REPS2: variants seen among roughly 807,000 people sequenced by gnomAD.
REPS2 encodes ralBP1-associated Eps domain-containing protein 2.
REPS2 carries 23 observed loss-of-function variants against 53.6 expected under a neutral mutation model. The ratio of observed to expected loss-of-function variants is 0.43; its 90% CI spans 0.31 to 0.61. REPS2 has a LOEUF of 0.61. REPS2 is among the 20% of genes least tolerant of loss of function. REPS2 has a pLI of 0.11. For synonymous variants in REPS2, 238 were observed against 218.6 expected, an observed-to-expected ratio of 1.09 and a Z score of -0.78; for missense variants, 446 against 534.9, an observed-to-expected ratio of 0.83 and a Z score of 1.64.
chrX:17,014,891 G>A (rs886569838), intron 2 of REPS2, among the ~76,000 whole-genome samples: 9 of 113,034 alleles, frequency 8.0e-5, no homozygotes, highest in African/African-American at 2.9e-4. Context: ...CATGCTAAAT[G>A]TTCAAATCTG....
rs1484340315 is a variant in REPS2 at position 17,116,440 on chromosome X, G to A, written c.1578+12661G>A. 8.1e-5 allele frequency among the ~76,000 whole-genome samples: 9 copies of A among 110,551 alleles called. No homozygotes were observed. The Admixed American group carries it at 8.7e-4, about 11-fold the overall frequency. On this transcript the variant is annotated intron_variant, in intron 14 of 17. Transcript: ENST00000357277. ...TACCCAAGCTGGTCTTGAACTCCTG[G>A]GCCCAAGCAGTCCTCCCATCTCAAC... is the stretch of plus-strand genomic sequence containing the variant.
chrX:17,155,578 A>G (rs751235892), downstream of REPS2, among the ~76,000 whole-genome samples: 49 of 111,986 alleles, frequency 4.4e-4, no homozygotes, highest in Non-Finnish European at 8.1e-4. Context: ...CCCTGAGATT[A>G]CAGCTCTTTT....
intron 13 of REPS2, among the ~76,000 whole-genome samples, chrX:17,088,092 C>T (rs1053294205): frequency 1.1e-4 from 12 of 111,069 alleles, no homozygotes; most frequent in Admixed American, 8.6e-4. Context: ...TCTCTCTCCC[C>T]CACCGCATTA....
At chrX:16,947,505 T>C (rs1236272782) in intron 1 of REPS2, among the ~76,000 whole-genome samples, 2 of 111,934 alleles carry the variant, frequency 1.8e-5, no homozygotes, top group Admixed American at 1.9e-4. Flanking sequence ...TCGCTGCTCC[T>C]GCCCCTCCCT....
intron 8 of REPS2, among the ~76,000 whole-genome samples, chrX:17,056,620 G>A (rs999373545): frequency 4.5e-5 from 5 of 110,427 alleles, no homozygotes; most frequent in Admixed American, 2.9e-4. Flanking sequence ...GCATGAACCC[G>A]GGAGGCGGAG....
the REPS2 span, among the ~76,000 whole-genome samples, chrX:17,163,804 CA>C: frequency 8.9e-6 from 1 of 111,794 alleles, no homozygotes; most frequent in African/African-American, 3.2e-5. Flanking sequence ...ACCTCTTCTA[CA>C]AGACATATTA....
chrX:17,161,731 A>G, the REPS2 span, among the ~76,000 whole-genome samples: 1 of 111,414 alleles, frequency 9.0e-6, no homozygotes, highest in Non-Finnish European at 1.9e-5. Flanking sequence ...CACTAAGTTT[A>G]TGGCAATTTG....
rs2062013757 is a variant in REPS2, at chrX:17,052,303, T to G, written c.908-79T>G. Reference sequence around the variant, plus strand: ...AGAAGAGATTGCTGAATGAAAAAATTGTGATTCATTTGTATATAAATGTAA... The same window carrying G: ...AGAAGAGATTGCTGAATGAAAAAATGGTGATTCATTTGTATATAAATGTAA... On this transcript the variant is annotated intron_variant, in intron 6 of 17. Transcript: ENST00000357277. 7 of 800,777 alleles carry G rather than the reference T, an allele frequency of 8.7e-6. No homozygotes were observed. In the Admixed American group the frequency reaches 2.0e-4, roughly 23 times the overall value. 66.0% of individuals were successfully genotyped at this position (800,777 alleles called of 1,213,427 possible). A position where few individuals can be genotyped will look rare whatever the true frequency, so the allele number is the denominator to read the frequency against.
chrX:16,972,407 C>T (rs1440422413), intron 1 of REPS2, among the ~76,000 whole-genome samples: 1 of 111,949 alleles, frequency 8.9e-6, no homozygotes, highest in Non-Finnish European at 1.9e-5. Flanking sequence ...TAAAAGAGCT[C>T]CTTTAATAAG....
At chrX:17,022,739 A>G (rs1261344008) in intron 3 of REPS2, among the ~76,000 whole-genome samples, 1 of 112,326 alleles carries the variant, frequency 8.9e-6, no homozygotes, top group African/African-American at 3.2e-5. Context: ...GCACATTAGC[A>G]CGGTAAAAGC....
At chrX:17,026,618 T>C (rs1412082000) in intron 4 of REPS2, among the ~76,000 whole-genome samples, 1 of 110,863 alleles carries the variant, frequency 9.0e-6, no homozygotes, top group Non-Finnish European at 1.9e-5. Context: ...CCCCATTCCC[T>C]CCTCATTCCA....
At chrX:16,972,207 G>A (rs2060903059) in intron 1 of REPS2, among the ~76,000 whole-genome samples, 1 of 112,119 alleles carries the variant, frequency 8.9e-6, no homozygotes, top group South Asian at 3.7e-4. Context: ...CTTTTAAAAA[G>A]TGCTGTATCA....
chrX:17,132,268 C>G (rs886410622), intron 14 of REPS2, among the ~76,000 whole-genome samples: 14 of 112,311 alleles, frequency 1.2e-4, no homozygotes, highest in African/African-American at 3.9e-4. Context: ...CTGGAAAGTC[C>G]AGATTGCCAG....
intron 5 of REPS2, among the ~76,000 whole-genome samples, chrX:17,030,034 A>T (rs2061688127): frequency 8.9e-6 from 1 of 112,118 alleles, no homozygotes; most frequent in South Asian, 3.7e-4. Flanking sequence ...TACATGGTAA[A>T]CTTTTGGAAG....
At chrX:16,985,473 TC>T (rs2061079814) in intron 1 of REPS2, among the ~76,000 whole-genome samples, 1 of 112,295 alleles carries the variant, frequency 8.9e-6, no homozygotes. Context: ...TGTTCTTGAC[TC>T]CTGCTGTCCC....
chrX:16,947,144 T>A lies in REPS2; in HGVS notation c.273+10T>A. The A allele has an allele frequency of 9.4e-7, 1 of 1,062,675 alleles. No homozygotes were observed. The highest frequency in any genetic ancestry group is 1.2e-6 in the Non-Finnish European group (1 of 825,768). The allele number at this position is 1,062,675 out of a possible 1,213,427, so 87.6% of individuals were successfully genotyped here. Reference sequence around the variant, plus strand: ...CGAGACGCTGCACCAGGTGGGTCCCTCCGCCTCCTGTCCCTGCGGGTCTGT... The same window carrying A: ...CGAGACGCTGCACCAGGTGGGTCCCACCGCCTCCTGTCCCTGCGGGTCTGT... On this transcript the variant is annotated intron_variant, in intron 1 of 17. Transcript: ENST00000357277.
chrX:17,093,202 T>TATATATATATATGTATATAA (rs56940345), intron 13 of REPS2, among the ~76,000 whole-genome samples: 2 of 13,157 alleles, frequency 1.5e-4, no homozygotes, highest in Non-Finnish European at 2.4e-4. Context: ...ATATATATAA[T>TATATATATATATGTATATAA]TTTTTTTTTG....
Position 16,947,030 on chromosome X carries a change from C to A in REPS2, c.169C>A (p.Pro57Thr). The A allele has an allele frequency of 3.1e-6, 3 of 979,389 alleles. No individual in the cohort carries two copies. Among genetic ancestry groups the A allele is most frequent in the Admixed American group, 5.2e-5 (1 of 19,087 alleles). The allele number at this position is 979,389 out of a possible 1,213,427, so 80.7% of individuals were successfully genotyped here. The change falls in exon 1 of 18, where the codon CCC (proline) becomes ACC (threonine). Residue 57 changes from proline (P) to threonine (T), a missense_variant. Transcript: ENST00000357277. ...CGCGGGCGGGGGCCCCGGGTCTGGG[C>A]CCCCCGAGGCCGCCAGAGTCGCCCC... ...GAAGGGPGSG[P>T]PEAARVAPGT... is the part of the protein sequence containing the mutation.
intron 6 of REPS2, among the ~76,000 whole-genome samples, chrX:17,049,083 C>T (rs1452712748): frequency 2.7e-5 from 3 of 110,643 alleles, no homozygotes; most frequent in Non-Finnish European, 5.7e-5. Context: ...TTAGTAGAGA[C>T]GGGGTTTCAC....
Sources: allele counts gnomAD v4.1 joint callset (sites outside exome capture counted in the v4.1 genomes callset), GRCh38; gene constraint gnomAD v4.1.1; transcripts MANE v1.5; gene names NCBI Gene and HGNC (gene_info 2026-07-23, HGNC 2026-07-21).